The following C11orf91 variants were observed in gnomAD, a reference collection of about 807,000 sequenced individuals.
C11orf91 encodes the protein uncharacterized protein C11orf91.
A neutral mutation model predicts 14.3 loss-of-function variants in C11orf91; 10 were observed. That is an observed-to-expected ratio of 0.70 (90% confidence interval 0.43 to 1.18). The LOEUF (loss-of-function observed/expected upper bound fraction) is 1.18, where lower values mean the gene tolerates loss of function less well. Among genes scored for constraint, C11orf91 ranks in the 50% most tolerant of loss-of-function variants. The pLI is 0.00. For missense variants in C11orf91, 236 were observed against 269.0 expected, an observed-to-expected ratio of 0.88 and a Z score of 0.86; for synonymous variants, 141 against 130.6, an observed-to-expected ratio of 1.08 and a Z score of -0.54.
Position 33,700,255 on chromosome 11 carries a change from G to A in C11orf91, c.486C>T (p.Asp162=), listed in dbSNP as rs1056074281. Residue 162 remains aspartate, a synonymous_variant, in exon 1 of 2, where the codon GAC becomes GAT. Transcript: ENST00000379011. ...ELLTITGDGF[D]SQSYTFLKAL... ...GGCGAGGTCACGCACAGCTCTGGGA[G>A]TCGAAGCCGTCCCCAGTGATGGTGA... 3.9e-5 allele frequency: 60 copies of A among 1,533,910 alleles called. No homozygotes were observed. The highest frequency in any genetic ancestry group is 5.1e-5 in the Non-Finnish European group (59 of 1,145,954).
upstream of C11orf91, chr11:33,705,372 C>G (rs1009080059): frequency 6.6e-6 from 1 of 152,326 alleles, no homozygotes; most frequent in Non-Finnish European, 1.5e-5. Flanking sequence ...GTGCAGAGAC[C>G]AGGGCAACTT....
chr11:33,706,269 C>T, the C11orf91 span: 4 of 151,788 alleles, frequency 2.6e-5, no homozygotes, highest in South Asian at 4.2e-4. Flanking sequence ...AAACAGGAAG[C>T]TTTAGTTTAG....
upstream of C11orf91, chr11:33,702,757 AT>A (rs1163721772): frequency 1.6e-5 from 6 of 377,008 alleles, no homozygotes; most frequent in East Asian, 9.6e-5. Context: ...TAGAAGAAAA[AT>A]TTTTTCACCC....
At chr11:33,704,940 TGGG>T (rs985618503), upstream of C11orf91, 2 of 152,494 alleles carry the variant, frequency 1.3e-5, no homozygotes. Flanking sequence ...GGTCTGGACT[TGGG>T]GGTGCAGGCA....
chr11:33,704,335 G>A (rs1853222839), upstream of C11orf91: 2 of 152,178 alleles, frequency 1.3e-5, no homozygotes, highest in African/African-American at 2.4e-5. Flanking sequence ...CAGTGCCAGG[G>A]ACAACTAGTA....
rs1400292458 is a variant in C11orf91, at chr11:33,700,459, C to T, written c.282G>A (p.Trp94Ter). Reference protein sequence around the residue: ...PSSERPWPSPWPSGLASIPYE... With the variant: ...PSSERPWPSP ...AGGGGATGGAGGCCAGGCCGGAGGG[C>T]CAGGGCGAGGGCCAGGGGCGCTCGC... The change falls in exon 1 of 2, where the codon TGG becomes TGA. Residue 94 changes from tryptophan to a stop codon, truncating the protein, a stop_gained. Transcript: ENST00000379011. LOFTEE classifies it high-confidence loss of function. The T allele has an allele frequency of 1.4e-6, 2 of 1,469,068 alleles. No homozygotes were observed. Among genetic ancestry groups the T allele is most frequent in the African/African-American group, 2.9e-5 (2 of 69,894 alleles). The allele number at this position is 1,469,068 out of a possible 1,614,324, so 91.0% of individuals were successfully genotyped here. A position where few individuals can be genotyped will look rare whatever the true frequency, so the allele number is the denominator to read the frequency against.
At chr11:33,704,618 C>T (rs1853235451), upstream of C11orf91, 1 of 152,162 alleles carries the variant, frequency 6.6e-6, no homozygotes, top group South Asian at 2.1e-4. Context: ...ACCTAGGGTT[C>T]TCATTTTCCA....
At chr11:33,699,420 G>C (rs1388587191) in intron 1 of C11orf91, 1 of 401,254 alleles carries the variant, frequency 2.5e-6, no homozygotes, top group Non-Finnish European at 5.1e-6. Flanking sequence ...CAGTGGTCAA[G>C]GACAAGCCTT....
At chr11:33,700,947 G>C (rs189921080), upstream of C11orf91, 215 of 416,122 alleles carry the variant, frequency 5.2e-4, no homozygotes, top group African/African-American at 4.0e-3. Flanking sequence ...TCGGCTGGCC[G>C]CACCCCGCAG....
At chr11:33,704,843 G>C (rs1853245464), upstream of C11orf91, 1 of 152,554 alleles carries the variant, frequency 6.6e-6, no homozygotes, top group South Asian at 2.1e-4. Flanking sequence ...ACAGGAGGTT[G>C]TTTGTGCCAC....
Position 33,700,516 on chromosome 11 carries a change from C to T in C11orf91, c.225G>A (p.Pro75=), listed in dbSNP as rs543879638. The change falls in exon 1 of 2, where the codon CCG becomes CCA. Residue 75 remains proline (P), a synonymous_variant. Transcript: ENST00000379011. ...GACCCAGGCCGGGTGGTGGCGGGGG[C>T]GGGGGCGCCGGGGCGGGGAGCGCCT... ...LSQALPAPAP[P]PPPPPGLGPS... 3.6e-5 allele frequency: 9 copies of T among 253,198 alleles called. No homozygotes were observed. The highest frequency in any genetic ancestry group is 4.9e-5 in the Non-Finnish European group (8 of 162,424). The allele number at this position is 253,198 out of a possible 1,614,324, so 15.7% of individuals were successfully genotyped here.
upstream of C11orf91, among the ~76,000 whole-genome samples, chr11:33,701,759 G>A (rs1382287175): frequency 6.7e-6 from 1 of 149,900 alleles, no homozygotes; most frequent in Non-Finnish European, 1.5e-5. Flanking sequence ...TGCAAAGTGT[G>A]TGTGTGTGTG....
chr11:33,700,036 A>G (rs1295311020), intron 1 of C11orf91, among the ~76,000 whole-genome samples: 2 of 152,132 alleles, frequency 1.3e-5, no homozygotes, highest in Non-Finnish European at 2.9e-5. Context: ...GTTTGGGACT[A>G]AGAGGCTCAT....
chr11:33,702,672 G>A (rs780424807), upstream of C11orf91: 19 of 323,934 alleles, frequency 5.9e-5, no homozygotes, highest in East Asian at 1.1e-4. Flanking sequence ...ATGTACCTGC[G>A]TAATAAACTT....
At chr11:33,702,737 C>A, upstream of C11orf91, 1 of 387,112 alleles carries the variant, frequency 2.6e-6, no homozygotes, top group Non-Finnish European at 5.1e-6. Context: ...AGGCTCTGAA[C>A]CTAAGAGATT....
chr11:33,701,461 G>A (rs1206071964), upstream of C11orf91, among the ~76,000 whole-genome samples: 1 of 152,204 alleles, frequency 6.6e-6, no homozygotes, highest in Non-Finnish European at 1.5e-5. Context: ...ATCACCAGGA[G>A]CTAACAGGCA....
Sources: gnomAD v4.1 joint callset for allele counts (sites outside exome capture counted in the v4.1 genomes callset) on GRCh38, gnomAD v4.1.1 for gene constraint, MANE v1.5 for transcripts, NCBI Gene and HGNC (gene_info 2026-07-23, HGNC 2026-07-21) for gene names.